Variants in CCNT2 observed in about 807,000 individuals in gnomAD.
CCNT2 encodes cyclin-T2.
Under a neutral mutation model 70.0 loss-of-function variants are expected in CCNT2, and 18 were observed. The ratio of observed to expected loss-of-function variants is 0.26; its 90% CI spans 0.18 to 0.38. CCNT2 has a LOEUF of 0.38. CCNT2 is among the 10% of genes least tolerant of loss of function. CCNT2 has a pLI of 1.00. For synonymous variants in CCNT2, 334 were observed against 313.3 expected (o/e 1.07, Z -0.70); for missense variants, 734 against 890.2 (o/e 0.82, Z 2.23).
In CCNT2 at chr2:134,958,317, C is replaced by T. The variant is rs572002638; in HGVS notation, c.*3669C>T. Reference sequence around the variant, plus strand: ...TCTTTGCTGAGAATATTTGGAGGCTCTTGTTAGGAAGAATCATGGATTCAG... The same window carrying T: ...TCTTTGCTGAGAATATTTGGAGGCTTTTGTTAGGAAGAATCATGGATTCAG... On this transcript the variant is annotated 3_prime_UTR_variant, in exon 9 of 9. Transcript: ENST00000264157. 1.3e-5 allele frequency: 2 copies of T among 152,314 alleles called. No individual in the cohort carries two copies. Among genetic ancestry groups the T allele is most frequent in the South Asian group, 4.1e-4 (2 of 4,824 alleles). 9.4% of individuals were successfully genotyped at this position (152,314 alleles called of 1,614,324 possible). A position where few individuals can be genotyped will look rare whatever the true frequency, so the allele number is the denominator to read the frequency against.
intron 2 of CCNT2, among the ~76,000 whole-genome samples, chr2:134,930,615 T>G (rs1280249205): frequency 6.6e-6 from 1 of 152,224 alleles, no homozygotes; most frequent in Admixed American, 6.5e-5. Context: ...CGAACTGTTT[T>G]CCAAAGTAGC....
At chr2:134,920,386 G>C (rs1290228648) in intron 2 of CCNT2, 1 of 152,254 alleles carries the variant, frequency 6.6e-6, no homozygotes, top group African/African-American at 2.4e-5. Flanking sequence ...AGATGTCAAC[G>C]TTTCTGTTTA....
At chr2:134,939,180 T>G (rs1250242065) in intron 4 of CCNT2, 118 bp downstream of exon 4, 1 of 743,502 alleles carries the variant, frequency 1.3e-6, no homozygotes, top group African/African-American at 1.8e-5. Flanking sequence ...AAACAGGTTT[T>G]AGACAGAATA....
intron 7 of CCNT2, 113 bp from the exon 8 acceptor site, chr2:134,952,528 G>T (rs928285531): frequency 1.7e-6 from 1 of 584,432 alleles, no homozygotes; most frequent in Non-Finnish European, 3.0e-6. Context: ...TTTAATAGGA[G>T]GGTAAAAGTG....
chr2:134,952,735 C>G (rs1559114581), intron 8 of CCNT2, 24 bp downstream of exon 8: 1 of 1,545,876 alleles, frequency 6.5e-7, no homozygotes, highest in Middle Eastern at 1.7e-4. Flanking sequence ...CAGGGTTTAA[C>G]AGAATTTCAG....
intron 7 of CCNT2, among the ~76,000 whole-genome samples, chr2:134,950,278 G>A (rs898147442): frequency 2.0e-5 from 3 of 152,166 alleles, no homozygotes; most frequent in Admixed American, 1.3e-4. Context: ...AATTTGGAGA[G>A]CAATTGAATA....
At chr2:134,941,452 G>A (rs1033408666) in intron 4 of CCNT2, among the ~76,000 whole-genome samples, 13 of 152,190 alleles carry the variant, frequency 8.5e-5, no homozygotes, top group Non-Finnish European at 1.6e-4. Context: ...GGCTTCAGCG[G>A]TAAGCAGGTT....
chr2:134,942,299 C>G (rs1681637846), intron 4 of CCNT2, among the ~76,000 whole-genome samples: 1 of 151,848 alleles, frequency 6.6e-6, no homozygotes, highest in South Asian at 2.1e-4. Flanking sequence ...GAATTCCGTC[C>G]TTAAATTGTG....
intron 6 of CCNT2, 89 bp downstream of exon 6, chr2:134,946,235 G>T: frequency 1.4e-6 from 2 of 1,453,632 alleles, no homozygotes. Context: ...TCTTACCCTT[G>T]TTGCGACAGG....
intron 2 of CCNT2, among the ~76,000 whole-genome samples, chr2:134,929,954 A>G (rs1439522181): frequency 6.6e-6 from 1 of 151,830 alleles, no homozygotes; most frequent in Non-Finnish European, 1.5e-5. Context: ...CCTGGCCTAA[A>G]TAGATGTCTT....
At chr2:134,943,824 C>G (rs1455046534) in intron 5 of CCNT2, 6 of 985,228 alleles carry the variant, frequency 6.1e-6, no homozygotes, top group Non-Finnish European at 7.2e-6. Context: ...TCTGTTACTT[C>G]CTTTTTGAAA....
intron 2 of CCNT2, among the ~76,000 whole-genome samples, chr2:134,922,303 TTAA>T (rs1261494570): frequency 5.9e-5 from 9 of 152,372 alleles, no homozygotes; most frequent in African/African-American, 2.2e-4. Context: ...ATAGTAAATA[TTAA>T]TAACATCCAT....
chr2:134,941,244 C>G (rs567106194), intron 4 of CCNT2, among the ~76,000 whole-genome samples: 1 of 152,296 alleles, frequency 6.6e-6, no homozygotes, highest in Admixed American at 6.5e-5. Context: ...CAACCTGAGA[C>G]AGTAAGACCA....
chr2:134,938,589 C>T (rs1026911951), intron 3 of CCNT2, among the ~76,000 whole-genome samples: 4 of 152,204 alleles, frequency 2.6e-5, no homozygotes, highest in Non-Finnish European at 5.9e-5. Flanking sequence ...GGAATTACCA[C>T]ATGAAATGTC....
chr2:134,926,262 C>T (rs1680294301), intron 2 of CCNT2, among the ~76,000 whole-genome samples: 1 of 152,166 alleles, frequency 6.6e-6, no homozygotes, highest in Non-Finnish European at 1.5e-5. Flanking sequence ...CTTTCCTGAA[C>T]TTTAAAAAGG....
At chr2:134,946,067 T>C in intron 5 of CCNT2, 34 bp from the exon 6 acceptor site, 1 of 1,610,860 alleles carries the variant, frequency 6.2e-7, no homozygotes, top group Non-Finnish European at 8.5e-7. Flanking sequence ...TTAAGGCTGA[T>C]AGTATTGTCT....
rs3814355 is a variant in CCNT2, at chr2:134,953,946, C to G, written c.1491C>G (p.Asp497Glu). The G allele has an allele frequency of 2.5e-6, 4 of 1,613,576 alleles. No individual in the cohort carries two copies. The highest frequency in any genetic ancestry group is 1.3e-5 in the African/African-American group (1 of 74,786). The change falls in exon 9 of 9, where the codon GAC becomes GAG. Residue 497 changes from aspartate to glutamate, a missense_variant. By Grantham distance (45) the Asp-to-Glu change is conservative. Transcript: ENST00000264157. ...PIANTEKYMA[D>E]KKEKSGSLKL... ...CAAATACTGAAAAATACATGGCAGA[C>G]AAAAAGGAAAAGAGTGGGTCACTGA...
chr2:134,920,843 T>C (rs1212536933), intron 2 of CCNT2, among the ~76,000 whole-genome samples: 1 of 152,210 alleles, frequency 6.6e-6, no homozygotes, highest in Non-Finnish European at 1.5e-5. Flanking sequence ...CCTCAGAATA[T>C]TATTTTTGAA....
chr2:134,924,805 C>G (rs1008904770), intron 2 of CCNT2, among the ~76,000 whole-genome samples: 11 of 152,106 alleles, frequency 7.2e-5, no homozygotes, highest in Non-Finnish European at 1.5e-4. Flanking sequence ...CTCTGCATTC[C>G]CAAATACCAT....
Sources: allele counts gnomAD v4.1 joint callset (sites outside exome capture counted in the v4.1 genomes callset), GRCh38; gene constraint gnomAD v4.1.1; transcripts MANE v1.5; gene names NCBI Gene and HGNC (gene_info 2026-07-23, HGNC 2026-07-21).